Variants in CRTAM observed in about 807,000 individuals in gnomAD.
CRTAM encodes cytotoxic and regulatory T cell molecule.
A neutral mutation model predicts 50.0 loss-of-function variants in CRTAM; 44 were observed. The observed-to-expected ratio is 0.88, with a 90% confidence interval of 0.69 to 1.13. CRTAM has a LOEUF of 1.13. Ranked by LOEUF, CRTAM falls within the 50% of genes most tolerant of loss-of-function variation. The probability of loss-of-function intolerance (pLI) is 0.00; values close to 1 mark genes in which losing one functional copy is unlikely to be tolerated. For synonymous variants in CRTAM, 159 were observed against 169.3 expected (o/e 0.94, Z 0.47); for missense variants, 448 against 457.5 (o/e 0.98, Z 0.19).
In CRTAM at chr11:122,872,304, C is replaced by G. The variant is rs1354378711; in HGVS notation, c.*905C>G. The G allele has an allele frequency of 6.6e-6, 1 of 152,156 alleles. No individual in the cohort carries two copies. Among genetic ancestry groups the G allele is most frequent in the Non-Finnish European group, 1.5e-5 (1 of 68,040 alleles). 9.4% of individuals were successfully genotyped at this position (152,156 alleles called of 1,614,324 possible). On this transcript the variant is annotated 3_prime_UTR_variant, in exon 10 of 10. Coordinates refer to ENST00000227348, the MANE Select transcript of CRTAM (RefSeq NM_019604.4). ...CAGGGTAGGCCCAAAGATTCGAATT[C>G]CTTAGATTACTAAATCACATGAGCG...
chr11:122,838,860 C>A (rs1481361914), intron 1 of CRTAM, among the ~76,000 whole-genome samples: 2 of 152,050 alleles, frequency 1.3e-5, no homozygotes, highest in African/African-American at 4.8e-5. Flanking sequence ...ATGAAACAAG[C>A]TTATTAGGCT....
chr11:122,855,583 A>G, intron 4 of CRTAM, 112 bp from the exon 5 acceptor site: 7 of 861,658 alleles, frequency 8.1e-6, no homozygotes, highest in Non-Finnish European at 1.3e-5. Context: ...CTGAGGTTAG[A>G]ATGAGGTTAG....
chr11:122,839,698 T>C (rs1160795802), intron 1 of CRTAM, among the ~76,000 whole-genome samples: 2 of 152,178 alleles, frequency 1.3e-5, no homozygotes, highest in African/African-American at 4.8e-5. Flanking sequence ...AGGACATCCC[T>C]CACAAATCCA....
intron 1 of CRTAM, among the ~76,000 whole-genome samples, chr11:122,841,305 C>T (rs1861794473): frequency 6.6e-6 from 1 of 152,070 alleles, no homozygotes; most frequent in South Asian, 2.1e-4. Flanking sequence ...ATGTCTCTGG[C>T]TTTAACTTAG....
At chr11:122,870,754 G>C (rs1436167690) in intron 9 of CRTAM, among the ~76,000 whole-genome samples, 1 of 152,192 alleles carries the variant, frequency 6.6e-6, no homozygotes, top group Non-Finnish European at 1.5e-5. Context: ...ACGTTTACCA[G>C]TATATTGTTT....
chr11:122,853,912 A>G, intron 3 of CRTAM, 31 bp from the exon 4 acceptor site: 1 of 1,609,474 alleles, frequency 6.2e-7, no homozygotes, highest in Admixed American at 1.7e-5. Context: ...ACTCATATCT[A>G]ATTAACACAG....
chr11:122,864,862 C>A (rs1398310303), intron 7 of CRTAM, 143 bp downstream of exon 7: 2 of 617,884 alleles, frequency 3.2e-6, no homozygotes. Flanking sequence ...CCTTGTCCCT[C>A]CTTGATTTAG....
At chr11:122,845,699 T>A (rs1384781671) in intron 1 of CRTAM, among the ~76,000 whole-genome samples, 1 of 151,890 alleles carries the variant, frequency 6.6e-6, no homozygotes, top group Admixed American at 6.6e-5. Context: ...AGAATGAGAA[T>A]CTGTCTCAAA....
intron 6 of CRTAM, among the ~76,000 whole-genome samples, chr11:122,862,993 C>A (rs1048282125): frequency 1.3e-5 from 2 of 152,170 alleles, no homozygotes; most frequent in African/African-American, 4.8e-5. Context: ...CATTGAATAA[C>A]AAAATCACCT....
intron 5 of CRTAM, among the ~76,000 whole-genome samples, chr11:122,856,746 G>C (rs1487806494): frequency 6.6e-6 from 1 of 152,214 alleles, no homozygotes; most frequent in Non-Finnish European, 1.5e-5. Context: ...ATGCCCTGTG[G>C]GGGCTGTGGC....
At chr11:122,868,528 G>A (rs1186342848) in intron 9 of CRTAM, among the ~76,000 whole-genome samples, 2 of 152,046 alleles carry the variant, frequency 1.3e-5, no homozygotes, top group Non-Finnish European at 2.9e-5. Flanking sequence ...CAACAGAATG[G>A]ATGGTGCCCA....
At chr11:122,858,963 C>G (rs945612586) in intron 5 of CRTAM, among the ~76,000 whole-genome samples, 3 of 151,974 alleles carry the variant, frequency 2.0e-5, no homozygotes, top group African/African-American at 7.3e-5. Context: ...TAAAAATAAT[C>G]GAGAACCCCA....
chr11:122,841,162 A>G (rs1055526638), intron 1 of CRTAM, among the ~76,000 whole-genome samples: 2 of 152,130 alleles, frequency 1.3e-5, no homozygotes, highest in Non-Finnish European at 2.9e-5. Flanking sequence ...TTATACCTGC[A>G]ATTTTCTCTA....
At chr11:122,866,962 G>A (rs1591357807) in intron 7 of CRTAM, among the ~76,000 whole-genome samples, 1 of 152,144 alleles carries the variant, frequency 6.6e-6, no homozygotes, top group South Asian at 2.1e-4. Flanking sequence ...TTCCTGTAGG[G>A]CCACATTTAA....
At chr11:122,870,154 C>T (rs1862235379) in intron 9 of CRTAM, among the ~76,000 whole-genome samples, 1 of 152,016 alleles carries the variant, frequency 6.6e-6, no homozygotes, top group Admixed American at 6.6e-5. Flanking sequence ...CATCATAGGT[C>T]ACTGCAGCCT....
intron 5 of CRTAM, among the ~76,000 whole-genome samples, chr11:122,857,103 G>C (rs1247416385): frequency 6.6e-6 from 1 of 152,102 alleles, no homozygotes; most frequent in East Asian, 1.9e-4. Context: ...ACTATGAAGG[G>C]GGAAATGGCA....
chr11:122,853,173 T>C (rs1255222665), intron 3 of CRTAM, among the ~76,000 whole-genome samples: 3 of 151,784 alleles, frequency 2.0e-5, no homozygotes, highest in African/African-American at 7.3e-5. Context: ...GTTCAAGCGA[T>C]TCTCCTGCCT....
chr11:122,850,949 TA>T (rs887575893), intron 2 of CRTAM, among the ~76,000 whole-genome samples: 3 of 152,232 alleles, frequency 2.0e-5, no homozygotes, highest in Non-Finnish European at 4.4e-5. Flanking sequence ...GTCTTATTTA[TA>T]AAGCAGAGCC....
intron 1 of CRTAM, among the ~76,000 whole-genome samples, chr11:122,847,737 T>G (rs1861882554): frequency 6.6e-6 from 1 of 152,220 alleles, no homozygotes. Flanking sequence ...TGGAGGAACA[T>G]GGACAAACTA....
Sources: gnomAD v4.1 joint callset for allele counts (sites outside exome capture counted in the v4.1 genomes callset) on GRCh38, gnomAD v4.1.1 for gene constraint, MANE v1.5 for transcripts, NCBI Gene and HGNC (gene_info 2026-07-23, HGNC 2026-07-21) for gene names.